Variants in DLGAP2 observed in about 807,000 individuals in gnomAD.
The protein encoded by DLGAP2 is disks large-associated protein 2.
Under a neutral mutation model 100.3 loss-of-function variants are expected in DLGAP2, and 26 were observed. The ratio of observed to expected loss-of-function variants is 0.26; its 90% confidence interval spans 0.19 to 0.36. The LOEUF (loss-of-function observed/expected upper bound fraction) is 0.36, where lower values mean the gene tolerates loss of function less well. Among genes scored for constraint, DLGAP2 ranks in the 10% least tolerant of loss-of-function variants. The pLI is 1.00. For synonymous variants in DLGAP2, 886 were observed against 630.1 expected (o/e 1.41, Z -6.08); for missense variants, 1,858 against 1,453.2 (o/e 1.28, Z -4.53).
intron 1 of DLGAP2, among the ~76,000 whole-genome samples, chr8:763,029 T>A (rs1391502644): frequency 1.3e-5 from 2 of 151,922 alleles, no homozygotes; most frequent in Non-Finnish European, 2.9e-5. Flanking sequence ...ATTAAGTCAC[T>A]TGCAATACTT....
chr8:1,627,338 C>T (rs537592494), intron 7 of DLGAP2, among the ~76,000 whole-genome samples: 4 of 152,270 alleles, frequency 2.6e-5, no homozygotes, highest in Admixed American at 2.0e-4. Context: ...GCCCCACTCC[C>T]AGGGCAGGAC....
At chr8:1,699,527 T>C (rs111420380) in intron 14 of DLGAP2, among the ~76,000 whole-genome samples, 23,104 of 150,940 alleles carry the variant, frequency 0.15, 2,214 homozygotes, top group East Asian at 0.25. Flanking sequence ...GGCAGGAGAA[T>C]GGAGTGAACC....
chr8:1,600,035 G>C lies in DLGAP2; in HGVS notation c.1443-26705G>C, dbSNP rs539418537. On this transcript the variant is annotated intron_variant, in intron 6 of 14. Coordinates refer to ENST00000637795, the MANE Select transcript of DLGAP2 (RefSeq NM_001346810.2). The stretch of plus-strand genomic sequence containing the variant: ...CGGTTTTTGCTTTCCATGTTTAGTG[G>C]TTCCTTCAGGAGCTCTTGTAAGGCA... Among the ~76,000 whole-genome samples the C allele has an allele frequency of 6.0e-4, 91 of 152,156 alleles. 1 individual carries two copies. Among genetic ancestry groups the C allele is most frequent in the African/African-American group, 2.0e-3 (84 of 41,504 alleles).
intron 1 of DLGAP2, among the ~76,000 whole-genome samples, chr8:894,842 G>GTGGCTGGA (rs1563083862): frequency 2.1e-4 from 25 of 120,684 alleles, no homozygotes; most frequent in South Asian, 5.7e-4. Flanking sequence ...GAACAGAGTG[G>GTGGCTGGA]AGGCTGGCAG....
intron 2 of DLGAP2, among the ~76,000 whole-genome samples, chr8:974,196 A>T (rs1800104314): frequency 6.6e-6 from 1 of 152,234 alleles, no homozygotes; most frequent in African/African-American, 2.4e-5. Flanking sequence ...ATATATTAAA[A>T]ATCCACAACT....
At chr8:1,248,797 G>A (rs1798972886) in intron 2 of DLGAP2, 1 of 152,646 alleles carries the variant, frequency 6.6e-6, no homozygotes, top group African/African-American at 2.4e-5. Context: ...AGGCTTCTGG[G>A]TCCGGACTGC....
intron 3 of DLGAP2, among the ~76,000 whole-genome samples, chr8:1,298,290 C>T (rs910966336): frequency 3.3e-5 from 5 of 152,272 alleles, no homozygotes; most frequent in African/African-American, 1.2e-4. Flanking sequence ...GTTATCTAAA[C>T]CCCCCATACA....
intron 2 of DLGAP2, among the ~76,000 whole-genome samples, chr8:1,229,158 T>C (rs987644382): frequency 6.6e-6 from 1 of 152,134 alleles, no homozygotes; most frequent in Non-Finnish European, 1.5e-5. Flanking sequence ...ACCAAGATGT[T>C]ATAAAACTTA....
intron 3 of DLGAP2, among the ~76,000 whole-genome samples, chr8:1,465,451 T>G (rs1477384745): frequency 6.6e-6 from 1 of 150,650 alleles, no homozygotes; most frequent in Non-Finnish European, 1.5e-5. Flanking sequence ...GGCGTGGGGT[T>G]CCATTAATTT....
intron 3 of DLGAP2, among the ~76,000 whole-genome samples, chr8:1,272,277 TTTATGTGAGTGAATGTAGACA>T (rs1339438537): frequency 6.6e-6 from 1 of 152,132 alleles, no homozygotes; most frequent in Non-Finnish European, 1.5e-5. Flanking sequence ...ATCAACTCAT[TTTATGTGAGTGAATGTAGACA>T]ATGCATAGCG....
intron 8 of DLGAP2, 48 bp from the exon 9 acceptor site, chr8:1,668,281 T>C (rs1798594801): frequency 7.0e-7 from 1 of 1,434,044 alleles, no homozygotes; most frequent in East Asian, 2.5e-5. Context: ...GACCACAGGC[T>C]GACGGGGAAG....
At chr8:1,072,403 T>A (rs1803461786) in intron 2 of DLGAP2, among the ~76,000 whole-genome samples, 2 of 152,258 alleles carry the variant, frequency 1.3e-5, no homozygotes, top group South Asian at 4.1e-4. Context: ...TTGATGAGTT[T>A]GATTTGTAGA....
intron 3 of DLGAP2, among the ~76,000 whole-genome samples, chr8:1,419,953 G>C (rs1375621127): frequency 2.6e-5 from 4 of 152,218 alleles, no homozygotes; most frequent in African/African-American, 4.8e-5. Flanking sequence ...GAAAGAACAT[G>C]TGAAATGGGG....
rs183075043 is a variant in DLGAP2, at chr8:1,036,246, C to T, written c.73+128280C>T. 3.4e-4 allele frequency among the ~76,000 whole-genome samples: 51 copies of T among 149,992 alleles called. No individual in the cohort carries two copies. The East Asian group carries it at 7.6e-3, about 22-fold the overall frequency. On this transcript the variant is annotated intron_variant, in intron 2 of 14. Coordinates refer to ENST00000637795, the MANE Select transcript of DLGAP2 (RefSeq NM_001346810.2). ...GCGTGTCACCGCGAGTGGATTCACACGCTCATCCCGACCCCACATGTTCAC... is the reference window on the plus strand; with the variant it reads ...GCGTGTCACCGCGAGTGGATTCACATGCTCATCCCGACCCCACATGTTCAC...
intron 6 of DLGAP2, among the ~76,000 whole-genome samples, chr8:1,620,082 C>T (rs1305173438): frequency 1.3e-5 from 2 of 152,180 alleles, no homozygotes; most frequent in East Asian, 1.9e-4. Context: ...TTTCTCAAAT[C>T]GCCTGTCCTC....
At chr8:820,384 A>T (rs1351481691) in intron 1 of DLGAP2, among the ~76,000 whole-genome samples, 2 of 152,216 alleles carry the variant, frequency 1.3e-5, no homozygotes, top group African/African-American at 4.8e-5. Flanking sequence ...CTGTTGAAAG[A>T]TATCATTAAT....
At chr8:1,085,601 C>T (rs12547181) in intron 2 of DLGAP2, among the ~76,000 whole-genome samples, 48,707 of 152,072 alleles carry the variant, frequency 0.32, 7,898 homozygotes, top group Admixed American at 0.36. Flanking sequence ...CGTTTCTGGG[C>T]TCTCTGTTCT....
At chr8:1,265,275 A>C (rs1004792135) in intron 3 of DLGAP2, among the ~76,000 whole-genome samples, 11 of 152,316 alleles carry the variant, frequency 7.2e-5, no homozygotes, top group African/African-American at 2.4e-4. Context: ...AGACTTAAAA[A>C]CAAACAGAAT....
At chr8:1,183,023 G>A (rs1049254537) in intron 2 of DLGAP2, among the ~76,000 whole-genome samples, 9 of 152,178 alleles carry the variant, frequency 5.9e-5, no homozygotes, top group Non-Finnish European at 1.0e-4. Flanking sequence ...CTGCCAGTGC[G>A]GGGAACGTGA....
Sources: gnomAD v4.1 joint callset for allele counts (sites outside exome capture counted in the v4.1 genomes callset) on GRCh38, gnomAD v4.1.1 for gene constraint, MANE v1.5 for transcripts, NCBI Gene and HGNC (gene_info 2026-07-23, HGNC 2026-07-21) for gene names.